The following CNTNAP5 variants were observed in gnomAD, a reference collection of about 807,000 sequenced individuals.
The protein encoded by CNTNAP5 is contactin-associated protein-like 5.
A neutral mutation model predicts 150.2 loss-of-function variants in CNTNAP5; 72 were observed. That is an observed-to-expected ratio of 0.48 (90% CI 0.40 to 0.58). CNTNAP5 has a LOEUF of 0.58. Among genes scored for constraint, CNTNAP5 ranks in the 20% least tolerant of loss-of-function variants. The pLI, the probability that CNTNAP5 is intolerant of heterozygous loss-of-function variation, is 0.00. For synonymous variants in CNTNAP5, 672 were observed against 619.8 expected (o/e 1.08, Z -1.25); for missense variants, 1,636 against 1,626.2 (o/e 1.01, Z -0.10).
At chr2:124,789,753 C>G (rs1399717522) in intron 17 of CNTNAP5, 149 bp from the exon 18 acceptor site, 1 of 690,100 alleles carries the variant, frequency 1.4e-6, no homozygotes, top group Non-Finnish European at 2.3e-6. Flanking sequence ...CTTTGGAATT[C>G]CAACTCTCAC....
chr2:124,061,008 C>G (rs977440708), intron 1 of CNTNAP5, among the ~76,000 whole-genome samples: 1 of 152,138 alleles, frequency 6.6e-6, no homozygotes, highest in Non-Finnish European at 1.5e-5. Flanking sequence ...GCTGCCAGTG[C>G]CATTTACTGC....
At chr2:124,386,958 G>T (rs1412226432) in intron 3 of CNTNAP5, among the ~76,000 whole-genome samples, 1 of 152,158 alleles carries the variant, frequency 6.6e-6, no homozygotes, top group Non-Finnish European at 1.5e-5. Flanking sequence ...AAGCCAGAGG[G>T]CTAACTTGCT....
intron 3 of CNTNAP5, among the ~76,000 whole-genome samples, chr2:124,332,765 A>T (rs1689380813): frequency 6.6e-6 from 1 of 152,060 alleles, no homozygotes; most frequent in Non-Finnish European, 1.5e-5. Context: ...ATTAACTTGC[A>T]TTTAGGTCAA....
In CNTNAP5 at chr2:124,693,147, T is replaced by C. The variant is rs569016109; in HGVS notation, c.2077+45189T>C. Reference sequence around the variant, plus strand: ...AAATCTTGGCTTCACTATTTTTTTTTCCCCGTTTGGGCCTGGACCAAGTGC... The same window carrying C: ...AAATCTTGGCTTCACTATTTTTTTTCCCCCGTTTGGGCCTGGACCAAGTGC... On this transcript the variant is annotated intron_variant, in intron 13 of 23. Transcript: ENST00000682447. 1.1e-4 allele frequency among the ~76,000 whole-genome samples: 17 copies of C among 152,190 alleles called. No individual in the cohort carries two copies. In the South Asian group the frequency reaches 1.9e-3, roughly 17 times the overall value.
chr2:124,445,679 C>T (rs1486257646), intron 5 of CNTNAP5, among the ~76,000 whole-genome samples: 1 of 152,112 alleles, frequency 6.6e-6, no homozygotes, highest in Non-Finnish European at 1.5e-5. Flanking sequence ...TGGCAGCTAC[C>T]GCCTGCTGAA....
chr2:124,039,992 G>A (rs1044577504), intron 1 of CNTNAP5, among the ~76,000 whole-genome samples: 1 of 151,780 alleles, frequency 6.6e-6, no homozygotes, highest in African/African-American at 2.4e-5. Context: ...TATCCCCCAA[G>A]GTCAATATTG....
intron 1 of CNTNAP5, among the ~76,000 whole-genome samples, chr2:124,123,718 G>A (rs539281275): frequency 2.0e-5 from 3 of 152,106 alleles, no homozygotes; most frequent in East Asian, 1.9e-4. Flanking sequence ...CCAGAAGGAC[G>A]ATCTGACAGC....
intron 13 of CNTNAP5, among the ~76,000 whole-genome samples, chr2:124,691,373 G>A (rs1558737174): frequency 6.6e-6 from 1 of 152,044 alleles, no homozygotes; most frequent in Non-Finnish European, 1.5e-5. Context: ...GGAGAAAAGG[G>A]ATTCTGATTT....
At chr2:124,331,342 A>G (rs553652301) in intron 3 of CNTNAP5, among the ~76,000 whole-genome samples, 166 of 152,244 alleles carry the variant, frequency 1.1e-3, no homozygotes, top group African/African-American at 3.9e-3. Flanking sequence ...AACATATACC[A>G]TGACATATCA....
At chr2:124,705,013 G>C (rs951367408) in intron 13 of CNTNAP5, among the ~76,000 whole-genome samples, 8 of 151,538 alleles carry the variant, frequency 5.3e-5, no homozygotes, top group Non-Finnish European at 1.2e-4. Context: ...ATCTCCCTCA[G>C]TGTCTCCTAT....
At chr2:124,865,899 A>C (rs1677621409) in intron 20 of CNTNAP5, among the ~76,000 whole-genome samples, 1 of 151,582 alleles carries the variant, frequency 6.6e-6, no homozygotes. Flanking sequence ...AGCAGAAATC[A>C]CGCCATTGAA....
At chr2:124,230,162 C>T (rs901906855) in intron 2 of CNTNAP5, among the ~76,000 whole-genome samples, 1 of 152,076 alleles carries the variant, frequency 6.6e-6, no homozygotes, top group African/African-American at 2.4e-5. Flanking sequence ...CACTTACCAC[C>T]CCCCATACCA....
At chr2:124,755,197 T>C (rs897236027) in intron 14 of CNTNAP5, among the ~76,000 whole-genome samples, 2 of 152,152 alleles carry the variant, frequency 1.3e-5, no homozygotes, top group African/African-American at 4.8e-5. Context: ...TGAAATACTT[T>C]TTTTTTTATC....
chr2:124,327,736 T>C lies in CNTNAP5; in HGVS notation c.381+85343T>C, dbSNP rs751602880. Among the ~76,000 whole-genome samples, 3 of 152,282 alleles carry C rather than the reference T, an allele frequency of 2.0e-5. No individual in the cohort carries two copies. The South Asian group carries it at 6.2e-4, about 32-fold the overall frequency. ...ACTGGAAGGCCCCTTCCCCTTTGAG[T>C]TGTCCTGCCCTTCCAGATCAAACCA... On this transcript the variant is annotated intron_variant, in intron 3 of 23. Coordinates refer to ENST00000682447, the MANE Select transcript of CNTNAP5 (RefSeq NM_001367498.1).
At chr2:124,350,529 T>A (rs2104701757) in intron 3 of CNTNAP5, among the ~76,000 whole-genome samples, 1 of 151,998 alleles carries the variant, frequency 6.6e-6, no homozygotes, top group South Asian at 2.1e-4. Flanking sequence ...TCTTTACACT[T>A]CTTCAATAAA....
intron 1 of CNTNAP5, among the ~76,000 whole-genome samples, chr2:124,221,462 C>T (rs1468956693): frequency 6.6e-6 from 1 of 152,026 alleles, no homozygotes; most frequent in Non-Finnish European, 1.5e-5. Context: ...GCATTGAGAC[C>T]TTGGACAATC....
At chr2:124,384,927 G>A (rs1027052223) in intron 3 of CNTNAP5, among the ~76,000 whole-genome samples, 13 of 152,138 alleles carry the variant, frequency 8.5e-5, no homozygotes, top group African/African-American at 3.1e-4. Flanking sequence ...AGTGCAGACA[G>A]GTTGAACAAT....
At chr2:124,456,864 G>C (rs1334815837) in intron 6 of CNTNAP5, among the ~76,000 whole-genome samples, 2 of 152,144 alleles carry the variant, frequency 1.3e-5, no homozygotes, top group African/African-American at 4.8e-5. Flanking sequence ...CAAGCTGCCT[G>C]TAGGAGAATG....
chr2:124,824,481 G>T (rs879301762), intron 19 of CNTNAP5, among the ~76,000 whole-genome samples: 3 of 152,084 alleles, frequency 2.0e-5, no homozygotes, highest in Non-Finnish European at 4.4e-5. Flanking sequence ...ATGGAAAGGG[G>T]TTCATTAGCC....
Sources: gnomAD v4.1 joint callset for allele counts (sites outside exome capture counted in the v4.1 genomes callset) on GRCh38, gnomAD v4.1.1 for gene constraint, MANE v1.5 for transcripts, NCBI Gene and HGNC (gene_info 2026-07-23, HGNC 2026-07-21) for gene names.